The following MPPED2 variants were observed in gnomAD, a reference collection of about 807,000 sequenced individuals.
The protein encoded by MPPED2 is metallophosphoesterase domain containing 2, also known as metallophosphoesterase MPPED2.
MPPED2 carries 5 observed loss-of-function variants against 33.0 expected under a neutral mutation model. The ratio of observed to expected loss-of-function variants is 0.15; its 90% confidence interval spans 0.08 to 0.32. The LOEUF (loss-of-function observed/expected upper bound fraction) is 0.32. MPPED2 is among the 10% of genes least tolerant of loss of function. The pLI, the probability that MPPED2 is intolerant of heterozygous loss-of-function variation, is 1.00. For synonymous variants in MPPED2, 136 were observed against 141.9 expected (o/e 0.96, Z 0.29); for missense variants, 275 against 372.1 (o/e 0.74, Z 2.15).
At chr11:30,492,197 A>G (rs767331206) in intron 4 of MPPED2, among the ~76,000 whole-genome samples, 2 of 151,862 alleles carry the variant, frequency 1.3e-5, no homozygotes, top group Non-Finnish European at 2.9e-5. Context: ...ACATATCTGA[A>G]TTAGTCTGTT....
chr11:30,396,590 A>G (rs946424977), intron 6 of MPPED2, among the ~76,000 whole-genome samples: 3 of 152,158 alleles, frequency 2.0e-5, no homozygotes, highest in African/African-American at 7.2e-5. Context: ...TTTACTTGCA[A>G]GCTCATAGTC....
At chr11:30,428,183 T>C (rs534094989) in intron 4 of MPPED2, among the ~76,000 whole-genome samples, 66 of 152,326 alleles carry the variant, frequency 4.3e-4, no homozygotes, top group Admixed American at 3.6e-3. Flanking sequence ...ATAAGCCACA[T>C]TATTGAGCAC....
chr11:30,583,524 T>A (rs1957295537), intron 1 of MPPED2, among the ~76,000 whole-genome samples: 2 of 152,176 alleles, frequency 1.3e-5, no homozygotes, highest in Admixed American at 1.3e-4. Context: ...CTAGTTTGAT[T>A]TTTCTCTTTA....
chr11:30,568,367 A>G (rs1047347274), intron 2 of MPPED2, among the ~76,000 whole-genome samples: 5 of 152,082 alleles, frequency 3.3e-5, no homozygotes, highest in African/African-American at 1.2e-4. Context: ...ACAAACCTTC[A>G]TTCTTTCCCT....
chr11:30,400,217 T>C (rs1457997806), intron 6 of MPPED2, among the ~76,000 whole-genome samples: 1 of 152,090 alleles, frequency 6.6e-6, no homozygotes, highest in Non-Finnish European at 1.5e-5. Context: ...GACTACAGGT[T>C]CCTGTCACCA....
chr11:30,462,878 A>G (rs1255774559), intron 4 of MPPED2, among the ~76,000 whole-genome samples: 3 of 152,224 alleles, frequency 2.0e-5, no homozygotes, highest in Non-Finnish European at 4.4e-5. Flanking sequence ...AAGATGTTTT[A>G]AAAGGCACAT....
chr11:30,449,702 A>T (rs750510250), intron 4 of MPPED2, among the ~76,000 whole-genome samples: 5 of 152,224 alleles, frequency 3.3e-5, no homozygotes, highest in Non-Finnish European at 5.9e-5. Context: ...TTTTCTGCCT[A>T]AAAACAGGGC....
At chr11:30,442,987 T>C (rs982769938) in intron 4 of MPPED2, among the ~76,000 whole-genome samples, 11 of 152,108 alleles carry the variant, frequency 7.2e-5, no homozygotes, top group African/African-American at 2.7e-4. Context: ...CAAAATCCTG[T>C]CTCAAGGAAA....
intron 4 of MPPED2, among the ~76,000 whole-genome samples, chr11:30,486,217 C>T (rs1056677963): frequency 1.3e-5 from 2 of 152,112 alleles, no homozygotes; most frequent in Non-Finnish European, 2.9e-5. Context: ...AAGGCTGGAA[C>T]CAAATAAATA....
intron 4 of MPPED2, among the ~76,000 whole-genome samples, chr11:30,428,150 T>G (rs1948925011): frequency 6.6e-6 from 1 of 152,212 alleles, no homozygotes; most frequent in South Asian, 2.1e-4. Flanking sequence ...AAAGGAAGTC[T>G]TAAATTCATT....
intron 4 of MPPED2, among the ~76,000 whole-genome samples, chr11:30,452,396 C>CT (rs1950101054): frequency 6.6e-6 from 1 of 152,236 alleles, no homozygotes; most frequent in Non-Finnish European, 1.5e-5. Flanking sequence ...GCACCCATAC[C>CT]TTCTCCATTC....
intron 6 of MPPED2, among the ~76,000 whole-genome samples, chr11:30,393,474 C>T (rs1442305606): frequency 6.6e-6 from 1 of 152,122 alleles, no homozygotes; most frequent in African/African-American, 2.4e-5. Flanking sequence ...ACCAAATCAG[C>T]TCTGTCCAGG....
At chr11:30,494,758 AAAGAAAG>A (rs1369376671) in intron 4 of MPPED2, among the ~76,000 whole-genome samples, 6 of 107,334 alleles carry the variant, frequency 5.6e-5, no homozygotes, top group African/African-American at 3.0e-4. Flanking sequence ...AAAAAAAAAA[AAAGAAAG>A]AAAGAAAGAA....
At chr11:30,519,563 A>C (rs1418009996) in intron 3 of MPPED2, among the ~76,000 whole-genome samples, 4 of 151,844 alleles carry the variant, frequency 2.6e-5, no homozygotes, top group Non-Finnish European at 1.5e-5. Context: ...TGTTAAGGAG[A>C]TATATATATG....
chr11:30,495,628 G>A (rs148051386), intron 3 of MPPED2, 107 bp from the exon 4 acceptor site: 9 of 741,240 alleles, frequency 1.2e-5, no homozygotes, highest in East Asian at 2.7e-5. Flanking sequence ...GAAATAGCTC[G>A]CAAATTCCTT....
intron 2 of MPPED2, among the ~76,000 whole-genome samples, chr11:30,564,046 T>C (rs1045036781): frequency 1.3e-5 from 2 of 152,238 alleles, no homozygotes; most frequent in Admixed American, 1.3e-4. Flanking sequence ...AAACTCTTTC[T>C]TCTACTCTGG....
intron 4 of MPPED2, among the ~76,000 whole-genome samples, chr11:30,428,639 C>G (rs1948947226): frequency 6.6e-6 from 1 of 152,200 alleles, no homozygotes; most frequent in Non-Finnish European, 1.5e-5. Context: ...GAAGTTAGGT[C>G]TGGATTCAAA....
At chr11:30,501,178 A>T (rs1952542392) in intron 3 of MPPED2, among the ~76,000 whole-genome samples, 1 of 152,168 alleles carries the variant, frequency 6.6e-6, no homozygotes, top group African/African-American at 2.4e-5. Context: ...TTGTTATGTT[A>T]TTGTCATGAC....
intron 3 of MPPED2, among the ~76,000 whole-genome samples, chr11:30,518,211 C>G (rs1261147560): frequency 6.6e-6 from 1 of 152,168 alleles, no homozygotes; most frequent in Non-Finnish European, 1.5e-5. Flanking sequence ...CTCTGAGACA[C>G]ATACTGTCTG....
Sources: gnomAD v4.1 joint callset for allele counts (sites outside exome capture counted in the v4.1 genomes callset) on GRCh38, gnomAD v4.1.1 for gene constraint, MANE v1.5 for transcripts, NCBI Gene and HGNC (gene_info 2026-07-23, HGNC 2026-07-21) for gene names.